Variants in TBCCD1 observed in about 807,000 individuals in gnomAD.
TBCCD1 encodes TBCC domain containing 1.
Under a neutral mutation model 53.4 loss-of-function variants are expected in TBCCD1, and 26 were observed. That is an observed-to-expected ratio of 0.49 (90% CI 0.36 to 0.68). The LOEUF (loss-of-function observed/expected upper bound fraction) is 0.68, where lower values mean the gene tolerates loss of function less well. Ranked by LOEUF, TBCCD1 falls within the 30% of genes least tolerant of loss-of-function variation. The pLI is 0.00. For synonymous variants in TBCCD1, 245 were observed against 241.7 expected (o/e 1.01, Z -0.13); for missense variants, 558 against 669.5 (o/e 0.83, Z 1.84).
intron 6 of TBCCD1, among the ~76,000 whole-genome samples, chr3:186,553,926 C>A (rs1217871801): frequency 1.3e-5 from 2 of 152,142 alleles, no homozygotes; most frequent in East Asian, 3.9e-4. Flanking sequence ...TGGCTCACTG[C>A]AACCTCCGCC....
rs759021899 is a variant in TBCCD1, at chr3:186,564,196, G to A, written c.134C>T (p.Thr45Ile). Residue 45 changes from threonine to isoleucine, a missense_variant, in exon 2 of 8, where the codon ACA (threonine) becomes ATA (isoleucine). Transcript: ENST00000338733. ...KISTYVQIRA[T>I]EGAYPRLYWS... ...GTAGAGGCGCGGGTAAGCTCCTTCT[G>A]TGGCCCGGATTTGCACATAGGTGGA... 9 of 1,614,040 alleles carry A rather than the reference G, an allele frequency of 5.6e-6. No individual in the cohort carries two copies. The highest frequency in any genetic ancestry group is 6.8e-6 in the Non-Finnish European group (8 of 1,180,040).
intron 1 of TBCCD1, among the ~76,000 whole-genome samples, chr3:186,566,917 G>A (rs747074295): frequency 2.6e-5 from 4 of 152,192 alleles, no homozygotes; most frequent in Admixed American, 6.5e-5. Flanking sequence ...TCCCAGAGAT[G>A]AGCCCTCCAT....
chr3:186,549,787 G>C (rs1218870156), intron 7 of TBCCD1, among the ~76,000 whole-genome samples: 5 of 152,290 alleles, frequency 3.3e-5, no homozygotes, highest in Non-Finnish European at 5.9e-5. Context: ...CCAGTATTGT[G>C]TACTACCAGC....
At chr3:186,553,575 T>C (rs1353215811) in intron 6 of TBCCD1, 1 of 152,220 alleles carries the variant, frequency 6.6e-6, no homozygotes, top group Non-Finnish European at 1.5e-5. Flanking sequence ...GGTAAAGTAC[T>C]TAATTCCTCA....
At chr3:186,555,219 G>T (rs895378674) in intron 4 of TBCCD1, 135 bp from the exon 5 acceptor site, 24 of 745,490 alleles carry the variant, frequency 3.2e-5, no homozygotes, top group Middle Eastern at 8.1e-4. Flanking sequence ...CGTTAGATCT[G>T]GGCTTTGGAT....
At chr3:186,568,106 G>A (rs1714891317), upstream of TBCCD1, among the ~76,000 whole-genome samples, 1 of 152,092 alleles carries the variant, frequency 6.6e-6, no homozygotes, top group African/African-American at 2.4e-5. Flanking sequence ...TCCCTACTGG[G>A]TATCTTCCTG....
At chr3:186,569,649 G>C (rs1246884941), upstream of TBCCD1, among the ~76,000 whole-genome samples, 3 of 149,668 alleles carry the variant, frequency 2.0e-5, no homozygotes, top group Non-Finnish European at 4.4e-5. Flanking sequence ...TTAAATCATG[G>C]AGTGAGGGAC....
Position 186,554,986 on chromosome 3 carries a change from G to A in TBCCD1, c.958C>T (p.Leu320=), listed in dbSNP as rs200759853. Residue 320 remains leucine, a synonymous_variant, in exon 5 of 8, where the codon CTG becomes TTG. Transcript: ENST00000338733. ...VVMSQVYKQT[L]AKSSDTLAGA... is the part of the protein sequence containing the mutation. ...GCCAGAGTGTCTGAGCTCTTAGCCAGTGTCTGCTTGTAAACCTGGCTCATC... is the reference window on the plus strand; with the variant it reads ...GCCAGAGTGTCTGAGCTCTTAGCCAATGTCTGCTTGTAAACCTGGCTCATC... 8 of 1,614,012 alleles carry A rather than the reference G, an allele frequency of 5.0e-6. No homozygotes were observed. The Admixed American group carries it at 1.2e-4, about 24-fold the overall frequency.
chr3:186,549,648 C>T (rs536477589), intron 7 of TBCCD1, among the ~76,000 whole-genome samples: 255 of 152,158 alleles, frequency 1.7e-3, no homozygotes, highest in African/African-American at 5.8e-3. Flanking sequence ...AGAATTAGAC[C>T]TCATCTCTAG....
intron 1 of TBCCD1, 79 bp downstream of exon 1, chr3:186,567,188 C>T (rs1714857990): frequency 6.6e-6 from 1 of 152,294 alleles, no homozygotes; most frequent in Non-Finnish European, 1.5e-5. Context: ...GCGGTAAGCG[C>T]GAAGGCAGCC....
At chr3:186,559,450 T>C (rs968170774) in intron 2 of TBCCD1, among the ~76,000 whole-genome samples, 5 of 152,204 alleles carry the variant, frequency 3.3e-5, no homozygotes, top group East Asian at 3.9e-4. Context: ...GATAGATGTA[T>C]AGTCATTTCT....
rs933800297 is a variant in TBCCD1, at chr3:186,556,659, T to C, written c.609A>G (p.Leu203=). ...TASFHSTHSS[L]VSREAVVALS... ...GCGCCACAACAGCTTCTCGAGACAC[T>C]AGACTACTATGGGTTGAATGAAATG... Residue 203 remains leucine (L), a synonymous_variant, in exon 4 of 8, where the codon CTA becomes CTG. Transcript: ENST00000338733. 8 of 1,614,056 alleles carry C rather than the reference T, an allele frequency of 5.0e-6. No homozygotes were observed. The African/African-American group carries it at 8.0e-5, about 16-fold the overall frequency.
chr3:186,569,312 A>T (rs529503701), upstream of TBCCD1, among the ~76,000 whole-genome samples: 3 of 141,020 alleles, frequency 2.1e-5, no homozygotes, highest in South Asian at 2.2e-4. Context: ...TTTATTTTTT[A>T]TTTATTTATT....
At chr3:186,558,362 C>T in intron 3 of TBCCD1, 55 bp downstream of exon 3, 1 of 1,548,626 alleles carries the variant, frequency 6.5e-7, no homozygotes, top group Non-Finnish European at 8.8e-7. Flanking sequence ...GCAAGTGAAC[C>T]ATCTCCCACA....
rs895916725 is a variant in TBCCD1 at position 186,546,730 on chromosome 3, C to G, written c.*247G>C. 6.6e-6 allele frequency: 1 copy of G among 151,114 alleles called. No individual in the cohort carries two copies. Among genetic ancestry groups the G allele is most frequent in the Non-Finnish European group, 1.5e-5 (1 of 68,002 alleles). The allele number at this position is 151,114 out of a possible 1,614,324, so 9.4% of individuals were successfully genotyped here. On this transcript the variant is annotated 3_prime_UTR_variant, in exon 8 of 8. Transcript: ENST00000338733. ...CCTGTAGTCCCAGCTACTCAGGAGG[C>G]TGAGGCAGGAGAATGGCGTGAACCC... is the stretch of plus-strand genomic sequence containing the variant.
At chr3:186,561,836 A>G (rs1350254551) in intron 2 of TBCCD1, among the ~76,000 whole-genome samples, 1 of 152,242 alleles carries the variant, frequency 6.6e-6, no homozygotes, top group Non-Finnish European at 1.5e-5. Context: ...AAAATAAAAA[A>G]GAGAACTACC....
At position 186,555,189 on chromosome 3, in the gene TBCCD1, A is replaced by T. The variant is rs1387001770; in HGVS notation, c.860-105T>A. On this transcript the variant is annotated intron_variant, in intron 4 of 7. Coordinates refer to ENST00000338733, the MANE Select transcript of TBCCD1 (RefSeq NM_018138.5). Reference sequence around the variant, plus strand: ...CATGTATATATGTCTCAAATTAGATACCACATGTAGGGACAAAAACGTTAG... The same window carrying T: ...CATGTATATATGTCTCAAATTAGATTCCACATGTAGGGACAAAAACGTTAG... The T allele has an allele frequency of 4.5e-6, 5 of 1,107,478 alleles. No homozygotes were observed. In the African/African-American group the frequency reaches 8.0e-5, roughly 18 times the overall value. The allele number at this position is 1,107,478 out of a possible 1,614,324, so 68.6% of individuals were successfully genotyped here.
At position 186,564,173 on chromosome 3, in the gene TBCCD1, A is replaced by G; in HGVS notation, c.157T>C (p.Tyr53His). The part of the protein sequence containing the change: ...RATEGAYPRL[Y>H]WSTWRHIACG... ...GCGATGTGCCTCCATGTAGACCAGT[A>G]GAGGCGCGGGTAAGCTCCTTCTGTG... The change falls in exon 2 of 8, where the codon TAC becomes CAC. Residue 53 changes from tyrosine to histidine, a missense_variant. Coordinates refer to ENST00000338733, the MANE Select transcript of TBCCD1 (RefSeq NM_018138.5). 1 of 1,614,200 alleles carries G rather than the reference A, an allele frequency of 6.2e-7. No individual in the cohort carries two copies. Among genetic ancestry groups the G allele is most frequent in the Non-Finnish European group, 8.5e-7 (1 of 1,180,034 alleles).
At chr3:186,569,327 T>TATTTATTTATTC (rs1299175520), upstream of TBCCD1, among the ~76,000 whole-genome samples, 29 of 151,782 alleles carry the variant, frequency 1.9e-4, no homozygotes, top group African/African-American at 7.0e-4. Context: ...TTTATTTATT[T>TATTTATTTATTC]ATTTATTTTG....
Sources: gnomAD v4.1 joint callset for allele counts (sites outside exome capture counted in the v4.1 genomes callset) on GRCh38, gnomAD v4.1.1 for gene constraint, MANE v1.5 for transcripts, NCBI Gene and HGNC (gene_info 2026-07-23, HGNC 2026-07-21) for gene names.